The following FGGY variants were observed in gnomAD, a reference collection of about 807,000 sequenced individuals.
FGGY encodes the protein FGGY carbohydrate kinase domain containing, also known as FGGY carbohydrate kinase domain-containing protein.
In FGGY, 72 loss-of-function variants were observed where a neutral mutation model predicts 71.3. That is an observed-to-expected ratio of 1.01 (90% CI 0.84 to 1.23). The LOEUF (loss-of-function observed/expected upper bound fraction) is 1.23. Among genes scored for constraint, FGGY ranks in the 50% most tolerant of loss-of-function variants. The pLI, the probability that FGGY is intolerant of heterozygous loss-of-function variation, is 0.00. For missense variants in FGGY, 668 were observed against 682.3 expected (o/e 0.98, Z 0.23); for synonymous variants, 251 against 250.3 (o/e 1.00, Z -0.02).
intron 5 of FGGY, among the ~76,000 whole-genome samples, chr1:59,382,655 T>C (rs868723507): frequency 6.6e-6 from 1 of 152,214 alleles, no homozygotes; most frequent in African/African-American, 2.4e-5. Context: ...TTTTCATCAT[T>C]GTACATCCGT....
intron 8 of FGGY, among the ~76,000 whole-genome samples, chr1:59,583,786 C>CT (rs1178026228): frequency 7.0e-6 from 1 of 142,098 alleles, no homozygotes; most frequent in Non-Finnish European, 1.5e-5. Flanking sequence ...CACATCTAAG[C>CT]CAAAGATGTC....
chr1:59,624,313 T>C (rs1237317434), intron 9 of FGGY, among the ~76,000 whole-genome samples: 1 of 152,192 alleles, frequency 6.6e-6, no homozygotes, highest in Non-Finnish European at 1.5e-5. Context: ...GTTACTTTAC[T>C]GTGACCTTGG....
intron 14 of FGGY, among the ~76,000 whole-genome samples, chr1:59,750,800 G>A (rs951327184): frequency 3.9e-5 from 6 of 152,194 alleles, no homozygotes; most frequent in African/African-American, 9.6e-5. Flanking sequence ...GAGGGGTCAC[G>A]TGCCTCAGCC....
At chr1:59,703,577 A>T (rs753066196) in intron 14 of FGGY, among the ~76,000 whole-genome samples, 2 of 152,220 alleles carry the variant, frequency 1.3e-5, no homozygotes, top group African/African-American at 2.4e-5. Flanking sequence ...GCAGCAGTGC[A>T]TGATGGAAGT....
intron 5 of FGGY, among the ~76,000 whole-genome samples, chr1:59,424,375 C>T (rs548492923): frequency 5.3e-5 from 8 of 152,118 alleles, no homozygotes; most frequent in African/African-American, 1.4e-4. Flanking sequence ...GGTGAAACCC[C>T]GTCTCTATTA....
At chr1:59,668,720 C>T (rs897414905) in intron 13 of FGGY, among the ~76,000 whole-genome samples, 5 of 152,086 alleles carry the variant, frequency 3.3e-5, no homozygotes, top group Admixed American at 1.3e-4. Flanking sequence ...CGGTGGCTCA[C>T]GCCTGTGATC....
intron 14 of FGGY, among the ~76,000 whole-genome samples, chr1:59,733,678 C>T (rs749066852): frequency 1.4e-4 from 22 of 152,274 alleles, no homozygotes; most frequent in Non-Finnish European, 2.9e-4. Flanking sequence ...GTTCTCAGAA[C>T]AAGGCAAGGC....
At chr1:59,722,059 T>C (rs2097901868) in intron 14 of FGGY, among the ~76,000 whole-genome samples, 1 of 152,238 alleles carries the variant, frequency 6.6e-6, no homozygotes, top group Non-Finnish European at 1.5e-5. Context: ...CCACGTTACA[T>C]TTAGTCATCA....
chr1:59,312,451 C>T (rs2044522476), intron 1 of FGGY, among the ~76,000 whole-genome samples: 2 of 152,186 alleles, frequency 1.3e-5, no homozygotes, highest in Admixed American at 6.5e-5. Flanking sequence ...ATTCTCCTCT[C>T]CTTTTCTCTG....
At chr1:59,372,828 A>G (rs545291203) in intron 4 of FGGY, among the ~76,000 whole-genome samples, 4 of 152,164 alleles carry the variant, frequency 2.6e-5, no homozygotes, top group African/African-American at 7.2e-5. Context: ...ATCTCAATAG[A>G]TGCAGAAAAG....
intron 2 of FGGY, among the ~76,000 whole-genome samples, chr1:59,324,203 C>G (rs949829693): frequency 9.9e-5 from 15 of 151,036 alleles, no homozygotes; most frequent in African/African-American, 3.7e-4. Flanking sequence ...CTTGGGCACA[C>G]TGGTCCAGGT....
rs1390548299 is a variant in FGGY, at chr1:59,383,093, G to GT, written c.554+4256_554+4257insT. ...TTGATTGTCACTCTTTTTGTCTATAGCATGGAGATTGTTATACCTATTTTG... is the reference window on the plus strand; with the variant it reads ...TTGATTGTCACTCTTTTTGTCTATAGTCATGGAGATTGTTATACCTATTTTG... On this transcript the variant is annotated intron_variant, in intron 5 of 15. Transcript: ENST00000303721. Among the ~76,000 whole-genome samples, 59 of 152,242 alleles carry GT rather than the reference G, an allele frequency of 3.9e-4. No homozygotes were observed. In the East Asian group the frequency reaches 9.3e-3, roughly 24 times the overall value.
intron 6 of FGGY, among the ~76,000 whole-genome samples, chr1:59,465,987 C>T (rs1457601898): frequency 1.3e-5 from 2 of 152,002 alleles, no homozygotes; most frequent in Non-Finnish European, 2.9e-5. Flanking sequence ...ACTTTCTTCA[C>T]AGAACTGAAA....
intron 14 of FGGY, among the ~76,000 whole-genome samples, chr1:59,692,713 G>A (rs1401860940): frequency 2.0e-5 from 3 of 152,034 alleles, no homozygotes; most frequent in African/African-American, 4.8e-5. Context: ...TTCTTGCATG[G>A]GCCGTCTTAT....
At chr1:59,665,623 A>G (rs1418352042) in intron 12 of FGGY, among the ~76,000 whole-genome samples, 1 of 147,542 alleles carries the variant, frequency 6.8e-6, no homozygotes, top group Non-Finnish European at 1.5e-5. Context: ...TCTACCCCCA[A>G]CCCCCCTAAG....
intron 5 of FGGY, among the ~76,000 whole-genome samples, chr1:59,448,723 G>A (rs941873755): frequency 1.3e-5 from 2 of 152,226 alleles, no homozygotes; most frequent in Non-Finnish European, 1.5e-5. Flanking sequence ...GGATGAAAAA[G>A]GCAGATATGG....
intron 8 of FGGY, among the ~76,000 whole-genome samples, chr1:59,599,638 G>T (rs913630677): frequency 1.5e-4 from 21 of 144,672 alleles, no homozygotes; most frequent in African/African-American, 3.9e-4. Flanking sequence ...AGGTTGCAGT[G>T]AGCCGAGATT....
chr1:59,656,571 A>AC (rs2097220122), intron 11 of FGGY, among the ~76,000 whole-genome samples: 1 of 152,112 alleles, frequency 6.6e-6, no homozygotes, highest in Non-Finnish European at 1.5e-5. Flanking sequence ...GGAAACAAGG[A>AC]CCTCAGACCA....
rs199945250 is a variant in FGGY at position 59,457,033 on chromosome 1, G to T, written c.627G>T (p.Met209Ile). The change falls in exon 6 of 16, where the codon ATG (methionine) becomes ATT (isoleucine). Residue 209 changes from methionine to isoleucine, a missense_variant. Met to Ile is a conservative substitution (Grantham distance 10). Transcript: ENST00000303721. ...EKGWDDSFWK[M>I]IGLEDFVADN... ...GCTGGGACGACAGTTTCTGGAAAAT[G>T]ATTGGTTTGGAAGACTTTGTTGCAG... is the stretch of plus-strand genomic sequence containing the variant. 14 of 1,614,100 alleles carry T rather than the reference G, an allele frequency of 8.7e-6. No homozygotes were observed. The highest frequency in any genetic ancestry group is 1.1e-5 in the South Asian group (1 of 91,078).
Sources: allele counts gnomAD v4.1 joint callset (sites outside exome capture counted in the v4.1 genomes callset), GRCh38; gene constraint gnomAD v4.1.1; transcripts MANE v1.5; gene names NCBI Gene and HGNC (gene_info 2026-07-23, HGNC 2026-07-21).